Variants in BLNK observed in about 807,000 individuals in gnomAD.
The protein encoded by BLNK is B-cell linker protein.
A neutral mutation model predicts 73.5 loss-of-function variants in BLNK; 29 were observed. The observed-to-expected ratio is 0.39, with a 90% confidence interval of 0.29 to 0.54. BLNK has a LOEUF of 0.54. Among genes scored for constraint, BLNK ranks in the 20% least tolerant of loss-of-function variants. The probability of loss-of-function intolerance (pLI) is 0.61; values close to 1 mark genes in which losing one functional copy is unlikely to be tolerated. For synonymous variants in BLNK, 176 were observed against 200.8 expected (o/e 0.88, Z 1.04); for missense variants, 460 against 562.8 (o/e 0.82, Z 1.85).
At position 96,189,952 on chromosome 10, in the gene BLNK, C is replaced by G; in HGVS notation, c.*2021G>C. On this transcript the variant is annotated 3_prime_UTR_variant, in exon 17 of 17. Coordinates refer to ENST00000224337, the MANE Select transcript of BLNK (RefSeq NM_013314.4). ...GCACTGGTGGTGTTATTTCAAAGAC[C>G]CCAAGGGAAACTGTTGGCTGTACAG... The G allele has an allele frequency of 3.2e-6, 3 of 923,680 alleles. No homozygotes were observed. Among genetic ancestry groups the G allele is most frequent in the Non-Finnish European group, 5.3e-6 (3 of 565,144 alleles). The allele number at this position is 923,680 out of a possible 1,614,324, so 57.2% of individuals were successfully genotyped here.
chr10:96,190,015 C>A lies in BLNK; in HGVS notation c.*1958G>T. The A allele has an allele frequency of 2.5e-6, 2 of 807,006 alleles. No individual in the cohort carries two copies. The highest frequency in any genetic ancestry group is 2.7e-5 in the South Asian group (2 of 75,392). 50.0% of individuals were successfully genotyped at this position (807,006 alleles called of 1,614,324 possible). A position where few individuals can be genotyped will look rare whatever the true frequency, so the allele number is the denominator to read the frequency against. On this transcript the variant is annotated 3_prime_UTR_variant, in exon 17 of 17. Coordinates refer to ENST00000224337, the MANE Select transcript of BLNK (RefSeq NM_013314.4). ...GTGCCAGTGTTATTTAATTGGACTG[C>A]CTTCATAATTCATTGCCTCTGCTTC...
At chr10:96,198,015 T>C (rs1438366832) in intron 15 of BLNK, among the ~76,000 whole-genome samples, 2 of 150,956 alleles carry the variant, frequency 1.3e-5, no homozygotes, top group African/African-American at 4.8e-5. Flanking sequence ...TTTAGAATCA[T>C]AAAATAAAAA....
intron 1 of BLNK, among the ~76,000 whole-genome samples, chr10:96,262,603 C>T (rs1843808670): frequency 1.3e-5 from 2 of 152,302 alleles, no homozygotes; most frequent in African/African-American, 2.4e-5. Context: ...TAAAATACCA[C>T]GTTGGTGCTG....
At chr10:96,233,209 C>T (rs4918993) in intron 3 of BLNK, among the ~76,000 whole-genome samples, 1 of 151,980 alleles carries the variant, frequency 6.6e-6, no homozygotes, top group Non-Finnish European at 1.5e-5. Flanking sequence ...TATAAAATGC[C>T]TTTATGAAAC....
chr10:96,207,654 G>A (rs1383710652), intron 10 of BLNK, among the ~76,000 whole-genome samples: 1 of 152,192 alleles, frequency 6.6e-6, no homozygotes, highest in African/African-American at 2.4e-5. Context: ...TGAAGCTGCT[G>A]GGATCAAGTG....
Position 96,196,909 on chromosome 10 carries a change from T to G in BLNK, c.1250A>C (p.Glu417Ala). ...TGAATTTAAAAAGAAATCACTGACC[T>G]CTTCACCATTTTTCTTTCTGCCCAA... ...YALGRKKNGEEYFGSVAEIIR... is the reference protein window; with the variant it reads ...YALGRKKNGEAYFGSVAEIIR... Residue 417 changes from glutamate to alanine, a missense_variant and splice_region_variant, in exon 16 of 17, where the codon GAG becomes GCG. Glu to Ala is a moderately radical substitution (Grantham distance 107). Transcript: ENST00000224337. The G allele has an allele frequency of 6.2e-7, 1 of 1,613,182 alleles. No homozygotes were observed. The highest frequency in any genetic ancestry group is 8.5e-7 in the Non-Finnish European group (1 of 1,179,564).
intron 1 of BLNK, among the ~76,000 whole-genome samples, chr10:96,251,940 C>T (rs371531133): frequency 6.6e-6 from 1 of 152,118 alleles, no homozygotes; most frequent in African/African-American, 2.4e-5. Flanking sequence ...CTTTAGAATC[C>T]GATAGATCTC....
At chr10:96,254,057 G>T (rs1383190449) in intron 1 of BLNK, among the ~76,000 whole-genome samples, 1 of 145,758 alleles carries the variant, frequency 6.9e-6, no homozygotes, top group Non-Finnish European at 1.5e-5. Flanking sequence ...TAAAAAAAAG[G>T]AAAAAAAAAA....
At chr10:96,228,296 C>T (rs915203241) in intron 4 of BLNK, among the ~76,000 whole-genome samples, 10 of 151,648 alleles carry the variant, frequency 6.6e-5, no homozygotes, top group South Asian at 2.1e-4. Flanking sequence ...CTTGCTTTGT[C>T]GCCCAGGCTA....
At chr10:96,245,456 G>A (rs782408779) in intron 2 of BLNK, among the ~76,000 whole-genome samples, 2 of 152,124 alleles carry the variant, frequency 1.3e-5, no homozygotes, top group Admixed American at 6.5e-5. Context: ...TATTATTCAT[G>A]ACATTTAAAT....
intron 11 of BLNK, 143 bp downstream of exon 11, chr10:96,206,868 T>C (rs1421054418): frequency 5.6e-6 from 5 of 887,496 alleles, no homozygotes; most frequent in African/African-American, 3.3e-5. Flanking sequence ...TGTTCATTGC[T>C]CATTGCAAAA....
intron 8 of BLNK, among the ~76,000 whole-genome samples, chr10:96,214,830 A>G (rs1240973268): frequency 1.3e-5 from 2 of 152,180 alleles, no homozygotes; most frequent in Non-Finnish European, 2.9e-5. Context: ...TCGCATTCAC[A>G]TTTGCAGAAT....
intron 1 of BLNK, among the ~76,000 whole-genome samples, chr10:96,252,049 T>TTTA (rs201786495): frequency 0.029 from 4,373 of 152,064 alleles, 83 homozygotes; most frequent in Non-Finnish European, 0.042. Flanking sequence ...TGTTTTTATT[T>TTTA]TTATTATTAT....
chr10:96,243,579 TGAG>T lies in BLNK; in HGVS notation c.114-798_114-796del, dbSNP rs1554906814. 3.5e-4 allele frequency among the ~76,000 whole-genome samples: 54 copies of T among 152,212 alleles called. No homozygotes were observed. In the South Asian group the frequency reaches 8.5e-3, roughly 24 times the overall value. ...GAAAAAAAGCCGAACAAGTGAACAG[TGAG>T]TGTCTCAGGATTGGAGATTATGAGA... is the stretch of plus-strand genomic sequence containing the variant. On this transcript the variant is annotated intron_variant, in intron 2 of 16. Coordinates refer to ENST00000224337, the MANE Select transcript of BLNK (RefSeq NM_013314.4).
In BLNK at chr10:96,189,227, G is replaced by T. The variant is rs764285271; in HGVS notation, c.*2746C>A. 1.4e-5 allele frequency: 5 copies of T among 368,394 alleles called. No homozygotes were observed. The highest frequency in any genetic ancestry group is 2.5e-5 in the Non-Finnish European group (5 of 196,390). 22.8% of individuals were successfully genotyped at this position (368,394 alleles called of 1,614,324 possible). A position where few individuals can be genotyped will look rare whatever the true frequency, so the allele number is the denominator to read the frequency against. ...TTTTGGACAACACATTCTTGGCAAT[G>T]GAACCTGGACAACATTTATTAAACA... On this transcript the variant is annotated 3_prime_UTR_variant, in exon 17 of 17. Transcript: ENST00000224337.
At chr10:96,196,218 C>T (rs1258095160) in intron 16 of BLNK, among the ~76,000 whole-genome samples, 2 of 152,158 alleles carry the variant, frequency 1.3e-5, no homozygotes, top group Non-Finnish European at 2.9e-5. Context: ...TTACATTCTA[C>T]CCATTTAAAT....
At chr10:96,260,005 C>G (rs2134132936) in intron 1 of BLNK, among the ~76,000 whole-genome samples, 1 of 152,246 alleles carries the variant, frequency 6.6e-6, no homozygotes, top group South Asian at 2.1e-4. Context: ...CATGGCCCTT[C>G]CCCTCTCTGA....
Position 96,204,079 on chromosome 10 carries a change from G to C in BLNK, c.912C>G (p.His304Gln). The change falls in exon 13 of 17, where the codon CAC becomes CAG. Residue 304 changes from histidine to glutamine, a missense_variant. By Grantham distance (24) the His-to-Gln change is conservative. Transcript: ENST00000224337. ...PVFPPAQKQI[H>Q]QKPIPLPRFT... ...TACTTGGCAGAGGTATGGGTTTTTG[G>C]TGGATTTGTCTGCAAGAAAGAATTT... 1 of 1,613,906 alleles carries C rather than the reference G, an allele frequency of 6.2e-7. No homozygotes were observed.
At chr10:96,261,977 TGTC>T (rs1843777565) in intron 1 of BLNK, among the ~76,000 whole-genome samples, 1 of 152,186 alleles carries the variant, frequency 6.6e-6, no homozygotes, top group South Asian at 2.1e-4. Flanking sequence ...CAGACTTTCT[TGTC>T]TTCTACTCCA....
Sources: gnomAD v4.1 joint callset for allele counts (sites outside exome capture counted in the v4.1 genomes callset) on GRCh38, gnomAD v4.1.1 for gene constraint, MANE v1.5 for transcripts, NCBI Gene and HGNC (gene_info 2026-07-23, HGNC 2026-07-21) for gene names.